The following NLGN1 variants were observed in gnomAD, a reference collection of about 807,000 sequenced individuals.
NLGN1 encodes the protein neuroligin-1.
Under a neutral mutation model 65.5 loss-of-function variants are expected in NLGN1, and 12 were observed. The observed-to-expected ratio is 0.18, with a 90% confidence interval of 0.12 to 0.30. NLGN1 has a LOEUF of 0.30. NLGN1 is among the 10% of genes least tolerant of loss of function. The pLI, the probability that NLGN1 is intolerant of heterozygous loss-of-function variation, is 1.00. For missense variants in NLGN1, 750 were observed against 1,007.1 expected (o/e 0.74, Z 3.46); for synonymous variants, 350 against 359.5 (o/e 0.97, Z 0.30).
chr3:173,893,756 G>A (rs571301041), intron 4 of NLGN1, among the ~76,000 whole-genome samples: 7 of 151,764 alleles, frequency 4.6e-5, no homozygotes, highest in African/African-American at 9.7e-5. Context: ...TTTGTCCTTC[G>A]TGTTGCCCCA....
At chr3:174,256,319 T>C (rs1269755996) in intron 4 of NLGN1, among the ~76,000 whole-genome samples, 3 of 152,212 alleles carry the variant, frequency 2.0e-5, no homozygotes, top group African/African-American at 7.2e-5. Flanking sequence ...TCATCTTCTC[T>C]ACATCTCTCC....
intron 4 of NLGN1, among the ~76,000 whole-genome samples, chr3:173,986,437 C>G (rs1719942723): frequency 6.6e-6 from 1 of 151,918 alleles, no homozygotes; most frequent in South Asian, 2.1e-4. Context: ...CCACTGCACT[C>G]CAGCCTAGGC....
At chr3:173,921,004 G>T (rs545833311) in intron 4 of NLGN1, among the ~76,000 whole-genome samples, 2 of 151,880 alleles carry the variant, frequency 1.3e-5, no homozygotes, top group Non-Finnish European at 2.9e-5. Flanking sequence ...TCAATTTCAA[G>T]ATCTTTTGTT....
At chr3:174,090,266 T>C (rs1744248515) in intron 4 of NLGN1, among the ~76,000 whole-genome samples, 1 of 151,714 alleles carries the variant, frequency 6.6e-6, no homozygotes, top group African/African-American at 2.4e-5. Context: ...AGGTCAAGAG[T>C]TCAAAACCAG....
intron 2 of NLGN1, among the ~76,000 whole-genome samples, chr3:173,568,447 T>C (rs755246930): frequency 2.6e-5 from 4 of 152,106 alleles, no homozygotes; most frequent in Non-Finnish European, 4.4e-5. Context: ...TTGGCCAGGC[T>C]GCCCTCGAAC....
At chr3:174,134,489 CTG>C (rs1383697550) in intron 4 of NLGN1, among the ~76,000 whole-genome samples, 1 of 152,106 alleles carries the variant, frequency 6.6e-6, no homozygotes, top group South Asian at 2.1e-4. Flanking sequence ...GAAAAAAAGT[CTG>C]TGTTTCTTTC....
chr3:174,280,685 C>T lies in NLGN1; in HGVS notation c.1854C>T (p.Asp618=), dbSNP rs938976728. The change falls in exon 7 of 7, where the codon GAC becomes GAT. Residue 618 remains aspartate (D), a synonymous_variant. Transcript: ENST00000457714. The surrounding 1 kb of genome is among the most constrained non-coding windows in gnomAD (Gnocchi z 4.9). Reference sequence around the variant, plus strand: ...TACCTCATCTGCATAATCTCAATGACATTTCTCAGTATACCTCTACAACAA... The same window carrying T: ...TACCTCATCTGCATAATCTCAATGATATTTCTCAGTATACCTCTACAACAA... The T allele has an allele frequency of 1.9e-6, 3 of 1,613,224 alleles. No homozygotes were observed. The highest frequency in any genetic ancestry group is 1.3e-5 in the African/African-American group (1 of 74,830).
chr3:173,841,350 G>A (rs1055967956), intron 4 of NLGN1, among the ~76,000 whole-genome samples: 15 of 152,210 alleles, frequency 9.9e-5, no homozygotes, highest in Admixed American at 7.2e-4. Context: ...TCTTTGAAAA[G>A]CCTTGAATCT....
intron 4 of NLGN1, among the ~76,000 whole-genome samples, chr3:174,141,298 A>G (rs1317093931): frequency 6.6e-6 from 1 of 152,188 alleles, no homozygotes; most frequent in Non-Finnish European, 1.5e-5. Flanking sequence ...CTATCCAGTA[A>G]TAAAATAAAT....
Position 174,193,453 on chromosome 3 carries a change from A to G in NLGN1, c.647-81862A>G, listed in dbSNP as rs555576696. ...CCAAACAAGAAATAAATTACCTTAAACCAAAAAAGTAGGTTTTGAACTGCG... is the reference window on the plus strand; with the variant it reads ...CCAAACAAGAAATAAATTACCTTAAGCCAAAAAAGTAGGTTTTGAACTGCG... On this transcript the variant is annotated intron_variant, in intron 4 of 6. Coordinates refer to ENST00000457714, the Ensembl canonical transcript of NLGN1. 3.2e-4 allele frequency among the ~76,000 whole-genome samples: 48 copies of G among 152,294 alleles called. 1 individual carries two copies. The highest frequency in any genetic ancestry group is 1.2e-3 in the African/African-American group (48 of 41,554).
chr3:174,040,499 G>A (rs1298256282), intron 4 of NLGN1, among the ~76,000 whole-genome samples: 1 of 151,754 alleles, frequency 6.6e-6, no homozygotes, highest in Non-Finnish European at 1.5e-5. Context: ...ATTTGTGTAG[G>A]GCACCTCATT....
At chr3:173,841,536 T>A (rs1434074902) in intron 4 of NLGN1, among the ~76,000 whole-genome samples, 1 of 152,134 alleles carries the variant, frequency 6.6e-6, no homozygotes, top group Non-Finnish European at 1.5e-5. Context: ...CAAGGACAAA[T>A]CCTGTTGTGA....
At chr3:173,643,911 A>G (rs1486880077) in intron 3 of NLGN1, among the ~76,000 whole-genome samples, 1 of 152,128 alleles carries the variant, frequency 6.6e-6, no homozygotes, top group Non-Finnish European at 1.5e-5. Context: ...TATTTTAATT[A>G]TAAAAACATA....
chr3:173,939,401 T>C (rs894541834), intron 4 of NLGN1, among the ~76,000 whole-genome samples: 3 of 152,180 alleles, frequency 2.0e-5, no homozygotes, highest in Non-Finnish European at 4.4e-5. Context: ...TGGGTTAAAA[T>C]CATTCATTGA....
At chr3:173,655,046 A>C (rs568791550) in intron 3 of NLGN1, among the ~76,000 whole-genome samples, 4 of 152,290 alleles carry the variant, frequency 2.6e-5, no homozygotes, top group South Asian at 4.1e-4. Context: ...TTCTATGAGT[A>C]TTCAATAAGT....
intron 2 of NLGN1, among the ~76,000 whole-genome samples, chr3:173,578,883 ATTATTAG>A (rs1332101270): frequency 6.6e-6 from 1 of 152,226 alleles, no homozygotes; most frequent in Non-Finnish European, 1.5e-5. Context: ...GCATCATGCT[ATTATTAG>A]CTAAAACATT....
At chr3:173,945,038 C>T (rs1638248204) in intron 4 of NLGN1, among the ~76,000 whole-genome samples, 2 of 152,022 alleles carry the variant, frequency 1.3e-5, no homozygotes. Flanking sequence ...TTTACCTGGA[C>T]TTAAATGGAA....
intron 3 of NLGN1, among the ~76,000 whole-genome samples, chr3:173,775,693 T>C (rs1780207903): frequency 6.6e-6 from 1 of 152,160 alleles, no homozygotes; most frequent in Non-Finnish European, 1.5e-5. Flanking sequence ...AAGCATGTGC[T>C]TTTAGGTTAA....
At chr3:173,606,476 A>G (rs1341462744) in intron 3 of NLGN1, among the ~76,000 whole-genome samples, 2 of 152,058 alleles carry the variant, frequency 1.3e-5, no homozygotes, top group East Asian at 3.9e-4. Flanking sequence ...TAGAATTTCC[A>G]ATCTTCATAC....
Sources: gnomAD v4.1 joint callset for allele counts (sites outside exome capture counted in the v4.1 genomes callset) on GRCh38, gnomAD v4.1.1 for gene constraint, Gnocchi (gnomAD v3.1) non-coding constraint, MANE v1.5 for transcripts, NCBI Gene and HGNC (gene_info 2026-07-23, HGNC 2026-07-21) for gene names.